Variants in ADGRL3 observed in about 807,000 individuals in gnomAD.
ADGRL3 encodes adhesion G protein-coupled receptor L3.
Under a neutral mutation model 153.5 loss-of-function variants are expected in ADGRL3, and 62 were observed. The observed-to-expected ratio is 0.40, with a 90% CI of 0.33 to 0.50. The LOEUF (loss-of-function observed/expected upper bound fraction) is 0.50, where lower values mean the gene tolerates loss of function less well. Ranked by LOEUF, ADGRL3 falls within the 20% of genes least tolerant of loss-of-function variation. The pLI, the probability that ADGRL3 is intolerant of heterozygous loss-of-function variation, is 0.47. For missense variants in ADGRL3, 1,641 were observed against 1,859.4 expected, an observed-to-expected ratio of 0.88 and a Z score of 2.16; for synonymous variants, 710 against 672.5, an observed-to-expected ratio of 1.06 and a Z score of -0.86.
chr4:61,511,577 T>G (rs775202643), intron 3 of ADGRL3, among the ~76,000 whole-genome samples: 1 of 152,204 alleles, frequency 6.6e-6, no homozygotes, highest in Non-Finnish European at 1.5e-5. Flanking sequence ...TTTATTTTAT[T>G]GTAACAGTTA....
At chr4:61,641,611 T>G (rs1297136731) in intron 5 of ADGRL3, among the ~76,000 whole-genome samples, 1 of 152,064 alleles carries the variant, frequency 6.6e-6, no homozygotes, top group Non-Finnish European at 1.5e-5. Flanking sequence ...ACAAAGGACA[T>G]GAACTCATCA....
intron 2 of ADGRL3, among the ~76,000 whole-genome samples, chr4:61,437,610 G>A (rs149179902): frequency 1.1e-3 from 166 of 152,210 alleles, no homozygotes; most frequent in African/African-American, 3.8e-3. Flanking sequence ...TTCAAGCTGC[G>A]TACTGATCTC....
At chr4:61,648,311 C>G (rs2094116974) in intron 5 of ADGRL3, among the ~76,000 whole-genome samples, 2 of 138,276 alleles carry the variant, frequency 1.4e-5, no homozygotes, top group Admixed American at 1.5e-4. Flanking sequence ...ATCCAGGATT[C>G]TAGTGAGTAG....
At chr4:62,009,966 C>T (rs1581867243) in intron 21 of ADGRL3, among the ~76,000 whole-genome samples, 1 of 152,100 alleles carries the variant, frequency 6.6e-6, no homozygotes, top group African/African-American at 2.4e-5. Context: ...AAGCCTACAA[C>T]TCAGAAACAG....
chr4:61,689,868 C>T (rs2095508126), intron 6 of ADGRL3, among the ~76,000 whole-genome samples: 1 of 152,094 alleles, frequency 6.6e-6, no homozygotes, highest in Non-Finnish European at 1.5e-5. Context: ...ATGATTGGTT[C>T]TCAAACTTCA....
At chr4:61,566,824 A>T (rs1320809063) in intron 4 of ADGRL3, among the ~76,000 whole-genome samples, 1 of 152,058 alleles carries the variant, frequency 6.6e-6, no homozygotes, top group South Asian at 2.1e-4. Context: ...TTTGACTGTT[A>T]TTATTACTTA....
intron 13 of ADGRL3, among the ~76,000 whole-genome samples, chr4:61,918,845 C>T (rs2098755878): frequency 6.6e-6 from 1 of 152,186 alleles, no homozygotes; most frequent in South Asian, 2.1e-4. Context: ...TATTAATGCA[C>T]ACTTTCTGTG....
intron 5 of ADGRL3, among the ~76,000 whole-genome samples, chr4:61,619,192 A>C (rs188996442): frequency 1.3e-5 from 2 of 152,298 alleles, no homozygotes; most frequent in East Asian, 3.9e-4. Flanking sequence ...GGACAGAAAC[A>C]ACCGGTGGCT....
At chr4:61,906,432 T>A (rs2149776812) in intron 11 of ADGRL3, 1 of 152,276 alleles carries the variant, frequency 6.6e-6, no homozygotes, top group Admixed American at 6.5e-5. Context: ...TTTAAAAAAA[T>A]TCCAGGGTAT....
chr4:61,347,216 A>G (rs1016881775), intron 1 of ADGRL3, among the ~76,000 whole-genome samples: 1 of 151,990 alleles, frequency 6.6e-6, no homozygotes, highest in Non-Finnish European at 1.5e-5. Flanking sequence ...CTTTCATTAC[A>G]CCAAAAGAAA....
intron 5 of ADGRL3, among the ~76,000 whole-genome samples, chr4:61,659,884 C>CAAGTGAAG (rs1041509829): frequency 3.5e-5 from 2 of 57,100 alleles, no homozygotes; most frequent in Non-Finnish European, 6.7e-5. Context: ...TCATGAAAAT[C>CAAGTGAAG]AAGTGAAGAT....
intron 24 of ADGRL3, among the ~76,000 whole-genome samples, chr4:62,040,336 G>A (rs533897546): frequency 1.3e-5 from 2 of 151,484 alleles, no homozygotes; most frequent in African/African-American, 2.4e-5. Context: ...TTCTACTCTT[G>A]GAAAATAATT....
At chr4:61,770,778 C>A (rs2152303496) in intron 8 of ADGRL3, among the ~76,000 whole-genome samples, 1 of 152,304 alleles carries the variant, frequency 6.6e-6, no homozygotes, top group South Asian at 2.1e-4. Flanking sequence ...GAATTTGCTA[C>A]TTCATATCGG....
chr4:61,232,519 G>A (rs1042042342), intron 1 of ADGRL3, among the ~76,000 whole-genome samples: 1 of 152,024 alleles, frequency 6.6e-6, no homozygotes, highest in Admixed American at 6.6e-5. Flanking sequence ...ATGTTGGCCA[G>A]GCTGGTCTCA....
At chr4:61,432,630 CTTTCTTTCTTTCTTTCTTTCTTTCTTTTT>C (rs2097378997) in intron 2 of ADGRL3, among the ~76,000 whole-genome samples, 1 of 50,498 alleles carries the variant, frequency 2.0e-5, no homozygotes, top group African/African-American at 7.6e-5. Context: ...TTCTTTCTTT[CTTTCTTTCTTTCTTTCTTTCTTTCTTTTT>C]TTTTTTTTTT....
chr4:61,589,395 C>T (rs2149378711), intron 5 of ADGRL3, among the ~76,000 whole-genome samples: 1 of 152,166 alleles, frequency 6.6e-6, no homozygotes. Flanking sequence ...GCCATTTAAG[C>T]TGCTTTATAA....
At chr4:61,575,680 C>A (rs1192628798) in intron 4 of ADGRL3, among the ~76,000 whole-genome samples, 1 of 151,984 alleles carries the variant, frequency 6.6e-6, no homozygotes, top group Non-Finnish European at 1.5e-5. Context: ...TTAATCACTG[C>A]GGTGAAGGGT....
intron 4 of ADGRL3, among the ~76,000 whole-genome samples, chr4:61,583,856 A>G (rs2098935776): frequency 6.6e-6 from 1 of 152,072 alleles, no homozygotes; most frequent in South Asian, 2.1e-4. Flanking sequence ...TAAGGAGCAT[A>G]AGAAGGTATG....
chr4:61,806,633 G>T (rs1476270104), intron 8 of ADGRL3, among the ~76,000 whole-genome samples: 1 of 151,900 alleles, frequency 6.6e-6, no homozygotes, highest in East Asian at 1.9e-4. Flanking sequence ...TGATATTTAG[G>T]CTGCATATTG....
Sources: allele counts gnomAD v4.1 joint callset (sites outside exome capture counted in the v4.1 genomes callset), GRCh38; gene constraint gnomAD v4.1.1; transcripts MANE v1.5; gene names NCBI Gene and HGNC (gene_info 2026-07-23, HGNC 2026-07-21).